CARS2: variants seen among roughly 807,000 people sequenced by gnomAD.
CARS2 encodes cysteinyl-tRNA synthetase 2, mitochondrial, also known as probable cysteine--tRNA ligase, mitochondrial.
CARS2 carries 52 observed loss-of-function variants against 68.8 expected under a neutral mutation model. The ratio of observed to expected loss-of-function variants is 0.76; its 90% CI spans 0.61 to 0.95. CARS2 has a LOEUF of 0.95. CARS2 is among the 40% of genes least tolerant of loss of function. CARS2 has a pLI of 0.00. For synonymous variants in CARS2, 314 were observed against 303.6 expected, an observed-to-expected ratio of 1.03 and a Z score of -0.36; for missense variants, 780 against 754.2, an observed-to-expected ratio of 1.03 and a Z score of -0.40.
chr13:110,702,528 G>C (rs998306373), intron 2 of CARS2, among the ~76,000 whole-genome samples: 1 of 152,218 alleles, frequency 6.6e-6, no homozygotes, highest in Non-Finnish European at 1.5e-5. Flanking sequence ...TTGGGAAAGA[G>C]TCTAAAAGAT....
At chr13:110,667,950 A>C (rs1443122969) in intron 7 of CARS2, among the ~76,000 whole-genome samples, 2 of 152,198 alleles carry the variant, frequency 1.3e-5, no homozygotes, top group African/African-American at 4.8e-5. Flanking sequence ...CCTCCATAAA[A>C]ACCGCGTTTC....
chr13:110,665,864 T>A lies in CARS2; in HGVS notation c.919+1476A>T. 1 of 985,422 alleles carries A rather than the reference T, an allele frequency of 1.0e-6. No homozygotes were observed. The highest frequency in any genetic ancestry group is 1.2e-6 in the Non-Finnish European group (1 of 829,930). 61.0% of individuals were successfully genotyped at this position (985,422 alleles called of 1,614,324 possible). On this transcript the variant is annotated intron_variant, in intron 8 of 14. Coordinates refer to ENST00000257347, the MANE Select transcript of CARS2 (RefSeq NM_024537.4). This position sits in a 1 kb window ranked among gnomAD's most constrained non-coding sequence, Gnocchi z 4.3. Reference sequence around the variant, plus strand: ...CATTTAATGTCACCTTACTGTGACATCTTAATTTCCCAATTCAAGGGTTTC... The same window carrying A: ...CATTTAATGTCACCTTACTGTGACAACTTAATTTCCCAATTCAAGGGTTTC...
chr13:110,712,921 G>A (rs2064050072), intron 1 of CARS2: 3 of 1,553,912 alleles, frequency 1.9e-6, no homozygotes, highest in Non-Finnish European at 2.6e-6. Flanking sequence ...GGTGACGGAT[G>A]GCGCAGGCGC....
At chr13:110,713,004 G>T (rs1347778911) in intron 1 of CARS2, 2 of 1,540,688 alleles carry the variant, frequency 1.3e-6, no homozygotes, top group Admixed American at 1.9e-5. Context: ...CTCTGCGGCC[G>T]CAGCTCAAAG....
chr13:110,664,285 C>T, intron 8 of CARS2: 1 of 761,364 alleles, frequency 1.3e-6, no homozygotes, highest in Non-Finnish European at 1.6e-6. Flanking sequence ...GGTGGAAGGA[C>T]CGCTTGAGCC....
At chr13:110,713,013 A>C (rs1262878584) in intron 1 of CARS2, 1 of 1,525,000 alleles carries the variant, frequency 6.6e-7, no homozygotes, top group Non-Finnish European at 8.8e-7. Flanking sequence ...CGCAGCTCAA[A>C]GGACACCGAG....
rs562040658 is a variant in CARS2 at position 110,676,170 on chromosome 13, G to C, written c.785+804C>G. ...CCTCCGTCTCAAAACAAAAAAACAG[G>C]AACATGAAACTAACTGTGGCGAGCC... On this transcript the variant is annotated intron_variant, in intron 7 of 14. Coordinates refer to ENST00000257347, the MANE Select transcript of CARS2 (RefSeq NM_024537.4). This position sits in a 1 kb window ranked among gnomAD's most constrained non-coding sequence, Gnocchi z 4.0. 2.6e-5 allele frequency among the ~76,000 whole-genome samples: 4 copies of C among 152,304 alleles called. No homozygotes were observed. The South Asian group carries it at 8.3e-4, about 32-fold the overall frequency.
intron 13 of CARS2, 54 bp from the exon 14 acceptor site, chr13:110,642,575 C>CT (rs747748040): frequency 1.8e-4 from 275 of 1,538,296 alleles, no homozygotes; most frequent in Non-Finnish European, 2.2e-4. Flanking sequence ...TTGTGGATGC[C>CT]CCCTCCCCAC....
intron 7 of CARS2, among the ~76,000 whole-genome samples, chr13:110,675,541 C>T: frequency 6.6e-6 from 1 of 152,042 alleles, no homozygotes; most frequent in South Asian, 2.1e-4. Flanking sequence ...GGGAACATCA[C>T]ACACCAGGGC....
At chr13:110,678,322 C>T (rs1348119833) in intron 6 of CARS2, among the ~76,000 whole-genome samples, 1 of 152,174 alleles carries the variant, frequency 6.6e-6, no homozygotes, top group Admixed American at 6.5e-5. Flanking sequence ...GAGCAAGGTG[C>T]CCATCACCGT....
chr13:110,651,381 T>C (rs527398011), intron 9 of CARS2, among the ~76,000 whole-genome samples: 12 of 152,324 alleles, frequency 7.9e-5, no homozygotes, highest in African/African-American at 2.6e-4. Flanking sequence ...GAGGAGTGTG[T>C]CCTGTGCTCA....
chr13:110,644,108 A>G (rs1887769724), intron 13 of CARS2: 2 of 1,350,482 alleles, frequency 1.5e-6, no homozygotes, highest in South Asian at 2.5e-5. Context: ...TTGAACATAA[A>G]CGTGTGTGCA....
intron 10 of CARS2, chr13:110,650,225 G>C (rs60392862): frequency 0.11 from 16,520 of 152,038 alleles, 1,344 homozygotes; most frequent in African/African-American, 0.22. Context: ...ACCCTCCTGA[G>C]TAGCTGGGAT....
chr13:110,650,068 C>G (rs2062164361), intron 10 of CARS2, among the ~76,000 whole-genome samples: 1 of 150,810 alleles, frequency 6.6e-6, no homozygotes, highest in Admixed American at 6.6e-5. Flanking sequence ...TCCTGAGTAG[C>G]TGAGATTACA....
At chr13:110,708,858 AT>A (rs2064004038), upstream of CARS2, among the ~76,000 whole-genome samples, 2 of 150,620 alleles carry the variant, frequency 1.3e-5, no homozygotes, top group Non-Finnish European at 2.9e-5. Context: ...GATTCAAGTG[AT>A]TCTTCTGCCT....
At chr13:110,697,374 T>G (rs1013737415) in intron 3 of CARS2, among the ~76,000 whole-genome samples, 1 of 152,252 alleles carries the variant, frequency 6.6e-6, no homozygotes, top group Non-Finnish European at 1.5e-5. Context: ...CTCTCAATGA[T>G]CTGACTCTCA....
At chr13:110,682,298 C>T (rs12431196) in intron 6 of CARS2, among the ~76,000 whole-genome samples, 27 of 152,364 alleles carry the variant, frequency 1.8e-4, no homozygotes, top group Admixed American at 2.6e-4. Context: ...AAAGCCCACA[C>T]GGCCTGCTGG....
At chr13:110,699,315 C>A (rs1221177576) in intron 3 of CARS2, among the ~76,000 whole-genome samples, 2 of 152,234 alleles carry the variant, frequency 1.3e-5, no homozygotes, top group African/African-American at 4.8e-5. Context: ...ACTGGACAAT[C>A]CACAGGTGGT....
Position 110,668,169 on chromosome 13 carries a change from G to A in CARS2, c.786-696C>T, listed in dbSNP as rs551885774. ...CCCACTGGTCTGGTTCCCTGTGCTC[G>A]GGGAAGCACTGCACACGGAGGTCTC... is the stretch of plus-strand genomic sequence containing the variant. On this transcript the variant is annotated intron_variant, in intron 7 of 14. Transcript: ENST00000257347. The surrounding 1 kb of genome is among the most constrained non-coding windows in gnomAD (Gnocchi z 4.1). Among the ~76,000 whole-genome samples the A allele has an allele frequency of 6.6e-6, 1 of 152,196 alleles. No individual in the cohort carries two copies. Among genetic ancestry groups the A allele is most frequent in the African/African-American group, 2.4e-5 (1 of 41,440 alleles).
Sources: allele counts gnomAD v4.1 joint callset (sites outside exome capture counted in the v4.1 genomes callset), GRCh38; gene constraint gnomAD v4.1.1; non-coding constraint Gnocchi (gnomAD v3.1); transcripts MANE v1.5; gene names NCBI Gene and HGNC (gene_info 2026-07-23, HGNC 2026-07-21).